Variants in RAB38 observed in about 807,000 individuals in gnomAD.
RAB38 encodes RAB38, member RAS oncogene family.
Under a neutral mutation model 18.4 loss-of-function variants are expected in RAB38, and 15 were observed. That is an observed-to-expected ratio of 0.82 (90% CI 0.55 to 1.26). The LOEUF is 1.26. Ranked by LOEUF, RAB38 falls within the 50% of genes most tolerant of loss-of-function variation. The pLI is 0.00. For synonymous variants in RAB38, 101 were observed against 104.4 expected (o/e 0.97, Z 0.20); for missense variants, 294 against 267.4 (o/e 1.10, Z -0.69).
chr11:87,880,593 A>T, the RAB38 span, among the ~76,000 whole-genome samples: 1 of 151,830 alleles, frequency 6.6e-6, no homozygotes, highest in African/African-American at 2.4e-5. Flanking sequence ...GAGGCAGTTT[A>T]TATTCAGTTT....
chr11:87,965,109 T>C, the RAB38 span, among the ~76,000 whole-genome samples: 1 of 152,116 alleles, frequency 6.6e-6, no homozygotes, highest in South Asian at 2.1e-4. Context: ...GGCCTCAGGT[T>C]GTAACCAAAA....
chr11:87,976,203 A>G, the RAB38 span, among the ~76,000 whole-genome samples: 1 of 146,856 alleles, frequency 6.8e-6, no homozygotes, highest in Non-Finnish European at 1.5e-5. Flanking sequence ...TATATACTCT[A>G]TGTATATTTT....
chr11:87,970,339 A>G, the RAB38 span, among the ~76,000 whole-genome samples: 11,582 of 151,958 alleles, frequency 0.076, 527 homozygotes, highest in East Asian at 0.13. Context: ...CCTCCCCCCA[A>G]TCTTAGCCCT....
At chr11:87,963,861 T>C in the RAB38 span, among the ~76,000 whole-genome samples, 1 of 152,104 alleles carries the variant, frequency 6.6e-6, no homozygotes, top group Non-Finnish European at 1.5e-5. Flanking sequence ...TTGGCCAGGC[T>C]GGTCTCGAAC....
At chr11:87,969,196 C>G in the RAB38 span, among the ~76,000 whole-genome samples, 1 of 152,002 alleles carries the variant, frequency 6.6e-6, no homozygotes, top group African/African-American at 2.4e-5. Context: ...ATGTAAGGGC[C>G]TTTTCCAACT....
chr11:88,101,256 T>G, the RAB38 span, among the ~76,000 whole-genome samples: 4 of 152,080 alleles, frequency 2.6e-5, no homozygotes, highest in African/African-American at 9.6e-5. Flanking sequence ...AATATTCACA[T>G]GGCTTAACAT....
chr11:88,175,147 C>G (rs920081568), intron 1 of RAB38, 36 bp downstream of exon 1: 64 of 1,520,500 alleles, frequency 4.2e-5, no homozygotes, highest in Non-Finnish European at 5.0e-5. Context: ...GGCCGCGAGG[C>G]GCTCTATCCC....
At chr11:88,116,822 C>T (rs1226033900) in intron 2 of RAB38, among the ~76,000 whole-genome samples, 1 of 152,146 alleles carries the variant, frequency 6.6e-6, no homozygotes, top group Non-Finnish European at 1.5e-5. Flanking sequence ...TAAACCTCCA[C>T]TCATATATTA....
the RAB38 span, among the ~76,000 whole-genome samples, chr11:88,025,861 A>G: frequency 6.6e-6 from 1 of 152,066 alleles, no homozygotes; most frequent in African/African-American, 2.4e-5. Context: ...TGCTGTGTGG[A>G]AGCTCTTTCA....
chr11:87,805,059 ACT>A, the RAB38 span, among the ~76,000 whole-genome samples: 1 of 152,172 alleles, frequency 6.6e-6, no homozygotes, highest in East Asian at 1.9e-4. Context: ...CAACATTTTG[ACT>A]CTGTGTTCTA....
Position 88,175,259 on chromosome 11 carries a change from G to A in RAB38, c.126C>T (p.Ile42=), listed in dbSNP as rs1310732641. Residue 42 remains isoleucine, a synonymous_variant, in exon 1 of 3, where the codon ATC becomes ATT. Transcript: ENST00000243662. ...QNFSSHYRAT[I]GVDFALKVLH... ...GCACCTTGAGCGCGAAGTCCACGCCGATTGTGGCCCGGTAGTGCGAAGAGA... is the reference window on the plus strand; with the variant it reads ...GCACCTTGAGCGCGAAGTCCACGCCAATTGTGGCCCGGTAGTGCGAAGAGA... The A allele has an allele frequency of 6.2e-6, 10 of 1,614,046 alleles. No homozygotes were observed. Among genetic ancestry groups the A allele is most frequent in the Non-Finnish European group, 8.5e-6 (10 of 1,180,032 alleles).
the RAB38 span, among the ~76,000 whole-genome samples, chr11:88,074,312 A>G: frequency 6.6e-6 from 1 of 152,206 alleles, no homozygotes; most frequent in Non-Finnish European, 1.5e-5. Flanking sequence ...AGACTAATGT[A>G]TCAGAAACAA....
the RAB38 span, among the ~76,000 whole-genome samples, chr11:87,901,083 G>A: frequency 5.9e-5 from 9 of 151,508 alleles, no homozygotes; most frequent in African/African-American, 2.2e-4. Context: ...GAGGGACCCA[G>A]TTCTGCTTTC....
At position 88,175,395 on chromosome 11, in the gene RAB38, G is replaced by A. The variant is rs3812730; in HGVS notation, c.-11C>T. The A allele has an allele frequency of 0.26, 422,477 of 1,613,470 alleles. 56,439 individuals are homozygous for A. Among genetic ancestry groups the A allele is most frequent in the Non-Finnish European group, 0.28 (324,555 of 1,179,664 alleles). ...GTGCGGGGCCTGCATCCTGGCGGCC[G>A]GCCAGACGTGCCGTGCCTGACCAGG... On this transcript the variant is annotated 5_prime_UTR_variant, in exon 1 of 3. Transcript: ENST00000243662.
chr11:88,116,411 T>C (rs933461087), intron 2 of RAB38, among the ~76,000 whole-genome samples: 1 of 152,224 alleles, frequency 6.6e-6, no homozygotes, highest in Non-Finnish European at 1.5e-5. Context: ...TGTTTGTGTG[T>C]TGGAGAAGGA....
At chr11:87,977,863 TTACAAA>T in the RAB38 span, among the ~76,000 whole-genome samples, 1 of 111,984 alleles carries the variant, frequency 8.9e-6, no homozygotes, top group Non-Finnish European at 1.7e-5. Context: ...AGTAATATAC[TTACAAA>T]TATATATAAA....
chr11:88,106,248 GACTT>G, the RAB38 span, among the ~76,000 whole-genome samples: 4 of 152,112 alleles, frequency 2.6e-5, no homozygotes, highest in Non-Finnish European at 5.9e-5. Flanking sequence ...CTTGACAAGT[GACTT>G]ACTTAATGCA....
chr11:87,960,237 G>C, the RAB38 span, among the ~76,000 whole-genome samples: 1 of 152,072 alleles, frequency 6.6e-6, no homozygotes, highest in African/African-American at 2.4e-5. Context: ...CCCTTCCCTA[G>C]AGACTCTGAT....
At chr11:88,011,934 A>C in the RAB38 span, among the ~76,000 whole-genome samples, 1 of 152,134 alleles carries the variant, frequency 6.6e-6, no homozygotes, top group Admixed American at 6.6e-5. Flanking sequence ...CTTTTGCTCC[A>C]TTCGTGTTGT....
Sources: gnomAD v4.1 joint callset for allele counts (sites outside exome capture counted in the v4.1 genomes callset) on GRCh38, gnomAD v4.1.1 for gene constraint, MANE v1.5 for transcripts, NCBI Gene and HGNC (gene_info 2026-07-23, HGNC 2026-07-21) for gene names.